MBTD1: variants seen among roughly 807,000 people sequenced by gnomAD.
MBTD1 encodes mbt domain containing 1.
A neutral mutation model predicts 87.8 loss-of-function variants in MBTD1; 24 were observed. That is an observed-to-expected ratio of 0.27 (90% CI 0.20 to 0.38). The LOEUF (loss-of-function observed/expected upper bound fraction) is 0.38, where lower values mean the gene tolerates loss of function less well. Ranked by LOEUF, MBTD1 falls within the 10% of genes least tolerant of loss-of-function variation. MBTD1 has a pLI of 1.00. For missense variants in MBTD1, 436 were observed against 760.2 expected, an observed-to-expected ratio of 0.57 and a Z score of 5.02; for synonymous variants, 237 against 248.6, an observed-to-expected ratio of 0.95 and a Z score of 0.44.
chr17:51,205,399 A>T (rs2051761452), intron 7 of MBTD1, among the ~76,000 whole-genome samples: 1 of 152,226 alleles, frequency 6.6e-6, no homozygotes, highest in Non-Finnish European at 1.5e-5. Flanking sequence ...TGGATAGTAA[A>T]TGCACTGATC....
upstream of MBTD1, chr17:51,260,131 G>C (rs2055392786): frequency 2.7e-6 from 1 of 365,900 alleles, no homozygotes; most frequent in Admixed American, 4.5e-5. Flanking sequence ...CTCCTCTCTC[G>C]CTTCCACCGT....
chr17:51,225,985 G>C (rs1464676381), intron 2 of MBTD1, among the ~76,000 whole-genome samples: 1 of 150,968 alleles, frequency 6.6e-6, no homozygotes, highest in Admixed American at 6.6e-5. Context: ...TGCCATGTTG[G>C]CCAGGCTGTT....
Position 51,217,399 on chromosome 17 carries a change from A to C in MBTD1, c.421T>G (p.Phe141Val). The C allele has an allele frequency of 6.5e-7, 1 of 1,528,954 alleles. No homozygotes were observed. The highest frequency in any genetic ancestry group is 8.8e-7 in the Non-Finnish European group (1 of 1,134,760). 94.7% of individuals were successfully genotyped at this position (1,528,954 alleles called of 1,614,324 possible). A position where few individuals can be genotyped will look rare whatever the true frequency, so the allele number is the denominator to read the frequency against. The part of the protein sequence containing the change: ...KTKAAVSMEG[F>V]SWGNYINSNS... ...CTATTGATGTAGTTACCCCAGCTGA[A>C]ACCTTCCATGGAGACTGCTAAAATG... The change falls in exon 6 of 17, where the codon TTC (phenylalanine) becomes GTC (valine). Residue 141 changes from phenylalanine to valine, a missense_variant. By Grantham distance (50) the Phe-to-Val change is conservative. Transcript: ENST00000586178.
intron 2 of MBTD1, among the ~76,000 whole-genome samples, chr17:51,240,572 G>A (rs1235848884): frequency 2.0e-5 from 3 of 152,174 alleles, no homozygotes; most frequent in Admixed American, 1.3e-4. Flanking sequence ...GAGGTAAAGT[G>A]TCCTTTGTAT....
chr17:51,201,641 G>T lies in MBTD1; in HGVS notation c.1175C>A (p.Ala392Asp), dbSNP rs1387149840. The T allele has an allele frequency of 6.2e-7, 1 of 1,612,016 alleles. No individual in the cohort carries two copies. The highest frequency in any genetic ancestry group is 8.5e-7 in the Non-Finnish European group (1 of 1,178,914). Residue 392 changes from alanine to aspartate, a missense_variant, in exon 12 of 17, where the codon GCT becomes GAT. This residue lies in a region of MBTD1 where 268 missense variants were observed against 401.8 expected (regional missense o/e 0.67). Transcript: ENST00000586178. ...TGTAGAAAGATTTAATGGGTCTATA[G>T]CTTCCAATTTCATTCCTTCCTTGAA... The part of the protein sequence containing the change: ...EWFKEGMKLE[A>D]IDPLNLSTIC...
intron 12 of MBTD1, 98 bp downstream of exon 12, chr17:51,201,494 C>T: frequency 2.9e-6 from 2 of 693,726 alleles, no homozygotes; most frequent in Non-Finnish European, 4.9e-6. Flanking sequence ...TACACATACA[C>T]ATTTTATGTC....
At chr17:51,187,302 T>C (rs183155190) in intron 16 of MBTD1, among the ~76,000 whole-genome samples, 16 of 150,858 alleles carry the variant, frequency 1.1e-4, no homozygotes, top group African/African-American at 3.9e-4. Flanking sequence ...TGCTGGAGTC[T>C]GATGTGGGAG....
At chr17:51,191,480 A>G (rs1487487438) in intron 16 of MBTD1, 2 of 151,966 alleles carry the variant, frequency 1.3e-5, no homozygotes, top group Non-Finnish European at 2.9e-5. Flanking sequence ...CTTGTTTGCC[A>G]TCAACTTGGA....
Position 51,220,324 on chromosome 17 carries a change from C to T in MBTD1, c.288+6G>A, listed in dbSNP as rs528679094. 5.2e-6 allele frequency: 8 copies of T among 1,544,786 alleles called. No homozygotes were observed. The highest frequency in any genetic ancestry group is 2.4e-5 in the East Asian group (1 of 40,844). On this transcript the variant is annotated splice_donor_region_variant and intron_variant, in intron 4 of 16. Transcript: ENST00000586178. ...GATATAAGTAAGAAAGTTTCTGTAC[C>T]GTTACCTGAAGTCTGGCCAAAATGC... is the stretch of plus-strand genomic sequence containing the variant.
chr17:51,201,763 C>A, intron 11 of MBTD1, 67 bp from the exon 12 acceptor site: 3 of 1,123,098 alleles, frequency 2.7e-6, no homozygotes, highest in Non-Finnish European at 2.7e-6. Flanking sequence ...AAAATATTAC[C>A]AATGTGAAAA....
intron 2 of MBTD1, among the ~76,000 whole-genome samples, chr17:51,247,754 A>T (rs2054533033): frequency 1.3e-5 from 2 of 152,212 alleles, no homozygotes; most frequent in South Asian, 4.1e-4. Context: ...ACAGTCCAGT[A>T]TTACTCTTAC....
At chr17:51,182,643 A>G (rs2050368277) in intron 16 of MBTD1, among the ~76,000 whole-genome samples, 1 of 152,164 alleles carries the variant, frequency 6.6e-6, no homozygotes, top group South Asian at 2.1e-4. Flanking sequence ...GGTTGCCCAC[A>G]ATACTCACAC....
chr17:51,260,791 G>A (rs751654575), upstream of MBTD1: 1 of 1,580,186 alleles, frequency 6.3e-7, no homozygotes, highest in Non-Finnish European at 8.6e-7. Context: ...CGGAGGAAGA[G>A]AGACGGCTCC....
intron 2 of MBTD1, among the ~76,000 whole-genome samples, chr17:51,232,197 C>T (rs1206252212): frequency 1.3e-5 from 2 of 152,112 alleles, no homozygotes; most frequent in Non-Finnish European, 2.9e-5. Context: ...GGTCAGGGAA[C>T]TCCCAGGCCA....
At chr17:51,237,368 T>C (rs1393172354) in intron 2 of MBTD1, among the ~76,000 whole-genome samples, 1 of 151,234 alleles carries the variant, frequency 6.6e-6, no homozygotes, top group Non-Finnish European at 1.5e-5. Context: ...GCATTTCTGC[T>C]CTTTGAAAGA....
At chr17:51,235,821 G>C (rs983657336) in intron 2 of MBTD1, among the ~76,000 whole-genome samples, 1 of 152,096 alleles carries the variant, frequency 6.6e-6, no homozygotes, top group Non-Finnish European at 1.5e-5. Context: ...AATTCATATG[G>C]AACTGCAAAG....
At chr17:51,222,712 T>C (rs7212007) in intron 3 of MBTD1, among the ~76,000 whole-genome samples, 14,949 of 152,008 alleles carry the variant, frequency 0.098, 1,121 homozygotes, top group African/African-American at 0.2. Flanking sequence ...CCCAGGTAGG[T>C]TTTAACTGGA....
At chr17:51,248,376 A>G (rs2054574287) in intron 2 of MBTD1, among the ~76,000 whole-genome samples, 1 of 152,160 alleles carries the variant, frequency 6.6e-6, no homozygotes, top group Admixed American at 6.5e-5. Context: ...TCTGGTATGT[A>G]GTATTATGTA....
At chr17:51,192,560 T>G (rs2050863771) in intron 15 of MBTD1, 3 of 778,100 alleles carry the variant, frequency 3.9e-6, no homozygotes, top group Non-Finnish European at 6.0e-6. Context: ...GTGACTGTTG[T>G]GTTTCTATAG....
Sources: gnomAD v4.1 joint callset for allele counts (sites outside exome capture counted in the v4.1 genomes callset) on GRCh38, gnomAD v4.1.1 for gene constraint, gnomAD v4.1.1 regional missense constraint, MANE v1.5 for transcripts, NCBI Gene and HGNC (gene_info 2026-07-23, HGNC 2026-07-21) for gene names.